The following SPACA9 variants were observed in gnomAD, a reference collection of about 807,000 sequenced individuals.
SPACA9 encodes the protein sperm acrosome-associated protein 9.
A neutral mutation model predicts 12.5 loss-of-function variants in SPACA9; 14 were observed. The observed-to-expected ratio is 1.12, with a 90% CI of 0.74 to 1.75. The LOEUF is 1.75. SPACA9 is among the 40% of genes most tolerant of loss of function. SPACA9 has a pLI of 0.00. For missense variants in SPACA9, 292 were observed against 291.9 expected, an observed-to-expected ratio of 1.00 and a Z score of 0.00; for synonymous variants, 111 against 114.1, an observed-to-expected ratio of 0.97 and a Z score of 0.17.
At position 132,888,454 on chromosome 9, in the gene SPACA9, C is replaced by A. The variant is rs113506942; in HGVS notation, c.512C>A (p.Ala171Glu). ...CTGCAGCACGTGAGTGAGCCCCAGG[C>A]GCACCAGGAGAGCACCAGGGGAGCC... The part of the protein sequence containing the change: ...KVLQHVSEPQ[A>E]HQESTRGAAR... Residue 171 changes from alanine (A) to glutamate (E), a missense_variant, in exon 4 of 4, where the codon GCG (alanine) becomes GAG (glutamate). Transcript: ENST00000356311. This position sits in a 1 kb window ranked among gnomAD's most constrained non-coding sequence, Gnocchi z 5.0. 1 of 1,613,116 alleles carries A rather than the reference C, an allele frequency of 6.2e-7. No individual in the cohort carries two copies. Among genetic ancestry groups the A allele is most frequent in the African/African-American group, 1.3e-5 (1 of 74,996 alleles).
rs1160084275 is a variant in SPACA9 at position 132,889,849 on chromosome 9, G to A, written c.*1238G>A. 7 of 1,368,286 alleles carry A rather than the reference G, an allele frequency of 5.1e-6. No individual in the cohort carries two copies. Among genetic ancestry groups the A allele is most frequent in the Admixed American group, 2.7e-5 (1 of 36,372 alleles). 84.8% of individuals were successfully genotyped at this position (1,368,286 alleles called of 1,614,324 possible). A position where few individuals can be genotyped will look rare whatever the true frequency, so the allele number is the denominator to read the frequency against. On this transcript the variant is annotated 3_prime_UTR_variant, in exon 4 of 4. Coordinates refer to ENST00000356311, the MANE Select transcript of SPACA9 (RefSeq NM_001316897.2). ...GATTTTGTGGCTCCTGAGCAAGGGC[G>A]ATGACCTGGTTTTCACAGCGTAGTC...
Position 132,883,977 on chromosome 9 carries a change from C to T in SPACA9, c.30C>T (p.Ser10=), listed in dbSNP as rs200752609. Residue 10 remains serine (S), a synonymous_variant, in exon 2 of 4, where the codon AGC becomes AGT. Transcript: ENST00000356311. The stretch of plus-strand genomic sequence containing the variant: ...ATGAGGTGAAAGAATCCCTTCGCAG[C>T]ATCGAGCAGAAGTACAAGCTCTTCC... The part of the protein sequence containing the change: MNEVKESLR[S]IEQKYKLFQQ... 2.5e-6 allele frequency: 4 copies of T among 1,614,212 alleles called. No individual in the cohort carries two copies. The highest frequency in any genetic ancestry group is 1.7e-5 in the Admixed American group (1 of 60,026).
rs1349941494 is a variant in SPACA9, at chr9:132,878,951, C to CA, written c.-100dup. ...CCCCACCCTCCGGGGCACCGACACT[C>CA]ACGGAGTCACTCCAACTTCTCTGGG... On this transcript the variant is annotated 5_prime_UTR_variant, in exon 1 of 4. Transcript: ENST00000356311. This position sits in a 1 kb window ranked among gnomAD's most constrained non-coding sequence, Gnocchi z 4.7. 3 of 189,682 alleles carry CA rather than the reference C, an allele frequency of 1.6e-5. No individual in the cohort carries two copies. Among genetic ancestry groups the CA allele is most frequent in the Non-Finnish European group, 2.0e-5 (2 of 102,488 alleles). 11.7% of individuals were successfully genotyped at this position (189,682 alleles called of 1,614,324 possible). A position where few individuals can be genotyped will look rare whatever the true frequency, so the allele number is the denominator to read the frequency against.
intron 2 of SPACA9, among the ~76,000 whole-genome samples, chr9:132,886,718 C>A (rs529205277): frequency 3.3e-5 from 5 of 152,254 alleles, no homozygotes; most frequent in South Asian, 4.1e-4. Context: ...TGAAGACAGG[C>A]GAGAGCAGGC....
At chr9:132,878,362 G>A (rs1844253368), upstream of SPACA9, 2 of 1,253,344 alleles carry the variant, frequency 1.6e-6, no homozygotes, top group African/African-American at 1.6e-5. This position sits in a 1 kb window ranked among gnomAD's most constrained non-coding sequence, Gnocchi z 4.7. Context: ...TCCGCGCCGG[G>A]CCCAGATACC....
intron 2 of SPACA9, among the ~76,000 whole-genome samples, chr9:132,885,462 G>A (rs961118687): frequency 1.9e-4 from 27 of 141,412 alleles, no homozygotes; most frequent in East Asian, 8.5e-4. Flanking sequence ...GCAGTGAGCC[G>A]AGATCGCACC....
At chr9:132,884,920 C>T (rs1588265820) in intron 2 of SPACA9, among the ~76,000 whole-genome samples, 1 of 151,814 alleles carries the variant, frequency 6.6e-6, no homozygotes, top group East Asian at 1.9e-4. Flanking sequence ...TTGAGACCAG[C>T]CTGACCAACA....
At position 132,889,343 on chromosome 9, in the gene SPACA9, GT is replaced by G; in HGVS notation, c.*735del. The G allele has an allele frequency of 1.0e-6, 1 of 985,556 alleles. No individual in the cohort carries two copies. Among genetic ancestry groups the G allele is most frequent in the Non-Finnish European group, 1.2e-6 (1 of 830,030 alleles). The allele number at this position is 985,556 out of a possible 1,614,324, so 61.1% of individuals were successfully genotyped here. ...CCCAACTGTAGGCAAGGCACACGCTGTTTGCGAGCCAGGGATGCTCCCCTCC... is the reference window on the plus strand; with the variant it reads ...CCCAACTGTAGGCAAGGCACACGCTGTTGCGAGCCAGGGATGCTCCCCTCC... On this transcript the variant is annotated 3_prime_UTR_variant, in exon 4 of 4. Transcript: ENST00000356311.
chr9:132,879,512 T>C (rs1040969511), intron 1 of SPACA9, among the ~76,000 whole-genome samples: 9 of 152,136 alleles, frequency 5.9e-5, no homozygotes, highest in Admixed American at 1.3e-4. Context: ...GCTAATGTAT[T>C]GGAGAGTAAT....
At position 132,888,889 on chromosome 9, in the gene SPACA9, T is replaced by C. The variant is rs1328197580; in HGVS notation, c.*278T>C. 2.9e-6 allele frequency: 2 copies of C among 700,552 alleles called. No homozygotes were observed. The highest frequency in any genetic ancestry group is 3.9e-6 in the Non-Finnish European group (2 of 512,576). 43.4% of individuals were successfully genotyped at this position (700,552 alleles called of 1,614,324 possible). The stretch of plus-strand genomic sequence containing the variant: ...TTCACGCCATTCTCCTGCCTCAGCC[T>C]CCCAAGTAGCTGGGACTACAGGCGC... On this transcript the variant is annotated 3_prime_UTR_variant, in exon 4 of 4. Coordinates refer to ENST00000356311, the MANE Select transcript of SPACA9 (RefSeq NM_001316897.2). This position sits in a 1 kb window ranked among gnomAD's most constrained non-coding sequence, Gnocchi z 5.0.
At chr9:132,886,014 C>G (rs1053471984) in intron 2 of SPACA9, among the ~76,000 whole-genome samples, 6 of 152,236 alleles carry the variant, frequency 3.9e-5, no homozygotes, top group African/African-American at 1.4e-4. Flanking sequence ...AAGAGCCTCT[C>G]CCCCTTACGA....
intron 2 of SPACA9, among the ~76,000 whole-genome samples, chr9:132,885,918 A>C (rs1192258212): frequency 2.0e-4 from 28 of 138,026 alleles, no homozygotes; most frequent in African/African-American, 3.9e-4. Flanking sequence ...ACCGCCCCCC[A>C]CCCCCGCAAT....
chr9:132,883,828 T>C, intron 1 of SPACA9, 83 bp from the exon 2 acceptor site: 1 of 1,115,744 alleles, frequency 9.0e-7, no homozygotes, highest in Non-Finnish European at 1.3e-6. Context: ...TGGGTATCCC[T>C]CTCCCCTGAC....
intron 1 of SPACA9, among the ~76,000 whole-genome samples, chr9:132,881,272 GAAA>G (rs776094730): frequency 1.2e-5 from 1 of 80,182 alleles, no homozygotes; most frequent in Non-Finnish European, 2.1e-5. Context: ...CAAAAAAAAA[GAAA>G]AAAAAAAAAG....
chr9:132,880,941 GC>G (rs1016795507), intron 1 of SPACA9, among the ~76,000 whole-genome samples: 20 of 151,276 alleles, frequency 1.3e-4, no homozygotes, highest in African/African-American at 4.6e-4. Context: ...TCCTGCCTCA[GC>G]CTCCCGAGTA....
intron 1 of SPACA9, among the ~76,000 whole-genome samples, chr9:132,879,389 C>G (rs927465418): frequency 6.6e-6 from 1 of 152,140 alleles, no homozygotes; most frequent in Non-Finnish European, 1.5e-5. Context: ...GCAGACAGCC[C>G]CAGCTTCAAG....
chr9:132,881,272 G>GAA (rs776094730), intron 1 of SPACA9, among the ~76,000 whole-genome samples: 46 of 80,136 alleles, frequency 5.7e-4, no homozygotes, highest in East Asian at 1.3e-3. Flanking sequence ...CAAAAAAAAA[G>GAA]AAAAAAAAAA....
Position 132,888,216 on chromosome 9 carries a change from G to C in SPACA9, c.348-74G>C. On this transcript the variant is annotated intron_variant, in intron 3 of 3. Transcript: ENST00000356311. The surrounding 1 kb of genome is among the most constrained non-coding windows in gnomAD (Gnocchi z 5.0). ...CCCCAGGTGACTCTGCTGTGCCTGAGGTGTGGCAGCTGCTTGCCACGGCAT... is the reference window on the plus strand; with the variant it reads ...CCCCAGGTGACTCTGCTGTGCCTGACGTGTGGCAGCTGCTTGCCACGGCAT... 3.2e-6 allele frequency: 5 copies of C among 1,547,300 alleles called. No individual in the cohort carries two copies. Among genetic ancestry groups the C allele is most frequent in the Non-Finnish European group, 4.4e-6 (5 of 1,146,098 alleles).
upstream of SPACA9, chr9:132,878,563 G>C (rs1405769777): frequency 1.2e-5 from 14 of 1,147,676 alleles, no homozygotes; most frequent in African/African-American, 2.1e-4. The surrounding 1 kb of genome is among the most constrained non-coding windows in gnomAD (Gnocchi z 4.7). Flanking sequence ...GAAGGGGCAA[G>C]TCGGCCCTCC....
Sources: gnomAD v4.1 joint callset for allele counts (sites outside exome capture counted in the v4.1 genomes callset) on GRCh38, gnomAD v4.1.1 for gene constraint, Gnocchi (gnomAD v3.1) non-coding constraint, MANE v1.5 for transcripts, NCBI Gene and HGNC (gene_info 2026-07-23, HGNC 2026-07-21) for gene names.